The following PTPRM variants were observed in gnomAD, a reference collection of about 807,000 sequenced individuals.
PTPRM encodes the protein protein tyrosine phosphatase receptor type M, also known as receptor-type tyrosine-protein phosphatase mu.
In PTPRM, 47 loss-of-function variants were observed where a neutral mutation model predicts 186.7. The observed-to-expected ratio is 0.25, with a 90% CI of 0.20 to 0.32. The LOEUF (loss-of-function observed/expected upper bound fraction) is 0.32. PTPRM is among the 10% of genes least tolerant of loss of function. The probability of loss-of-function intolerance (pLI) is 1.00; values close to 1 mark genes in which losing one functional copy is unlikely to be tolerated. For synonymous variants in PTPRM, 668 were observed against 674.9 expected (o/e 0.99, Z 0.16); for missense variants, 1,494 against 1,865.0 (o/e 0.80, Z 3.66).
chr18:8,136,707 C>T (rs1405909851), intron 13 of PTPRM, among the ~76,000 whole-genome samples: 1 of 151,960 alleles, frequency 6.6e-6, no homozygotes, highest in Admixed American at 6.6e-5. Flanking sequence ...TTCGCATTCC[C>T]AGGAAGAAAA....
chr18:7,683,325 G>A (rs1336444206), intron 1 of PTPRM, among the ~76,000 whole-genome samples: 5 of 151,780 alleles, frequency 3.3e-5, no homozygotes, highest in African/African-American at 7.3e-5. Flanking sequence ...GTGTGCCACC[G>A]TGCCTGGCTA....
chr18:7,963,639 C>T (rs192683394), intron 7 of PTPRM, among the ~76,000 whole-genome samples: 2 of 152,304 alleles, frequency 1.3e-5, no homozygotes, highest in East Asian at 1.9e-4. Flanking sequence ...AGGGAAAGAG[C>T]TGGAGATTGC....
intron 2 of PTPRM, among the ~76,000 whole-genome samples, chr18:7,842,948 AGAG>A (rs2046424303): frequency 1.5e-5 from 1 of 66,130 alleles, no homozygotes; most frequent in Admixed American, 1.4e-4. Context: ...ATATATATAT[AGAG>A]AGAGAGAGAG....
chr18:7,858,046 T>C (rs1228813704), intron 2 of PTPRM, among the ~76,000 whole-genome samples: 1 of 152,198 alleles, frequency 6.6e-6, no homozygotes, highest in Non-Finnish European at 1.5e-5. Context: ...CCCTAAGTAT[T>C]TCCAGCAATT....
rs1044053074 is a variant in PTPRM at position 7,897,916 on chromosome 18, A to C, written c.469-8589A>C. Among the ~76,000 whole-genome samples the C allele has an allele frequency of 3.9e-5, 6 of 152,234 alleles. No homozygotes were observed. The East Asian group carries it at 1.2e-3, about 29-fold the overall frequency. On this transcript the variant is annotated intron_variant, in intron 3 of 32. Coordinates refer to ENST00000580170, the MANE Select transcript of PTPRM (RefSeq NM_001105244.2). ...AAGTGAGGAAGGTTGTGTTATTGGT[A>C]GGAAAAACAGGTGAAGACATTTAAA...
At chr18:8,260,350 G>A (rs1422233796) in intron 19 of PTPRM, among the ~76,000 whole-genome samples, 1 of 152,012 alleles carries the variant, frequency 6.6e-6, no homozygotes, top group Non-Finnish European at 1.5e-5. Context: ...TTTTTGTAGA[G>A]ACAGAGTCTC....
chr18:8,020,047 G>C (rs978871968), intron 7 of PTPRM, among the ~76,000 whole-genome samples: 10 of 151,998 alleles, frequency 6.6e-5, no homozygotes, highest in African/African-American at 2.4e-4. Context: ...TTGCCAAGGA[G>C]AAGGCTTGAT....
chr18:8,188,400 T>C (rs557862882), intron 14 of PTPRM, among the ~76,000 whole-genome samples: 9 of 152,330 alleles, frequency 5.9e-5, no homozygotes, highest in Admixed American at 5.9e-4. Flanking sequence ...CTGGGAAATA[T>C]GTAAGTGAAT....
intron 14 of PTPRM, among the ~76,000 whole-genome samples, chr18:8,213,095 A>C (rs542793803): frequency 5.9e-5 from 9 of 152,236 alleles, no homozygotes; most frequent in Admixed American, 2.0e-4. Flanking sequence ...GATGCACAGC[A>C]TGATGGGGCA....
intron 1 of PTPRM, among the ~76,000 whole-genome samples, chr18:7,616,059 C>T (rs535791011): frequency 9.9e-5 from 15 of 152,238 alleles, no homozygotes; most frequent in East Asian, 3.9e-4. Flanking sequence ...CCTGCTGTGC[C>T]GCTAGGTTCC....
At chr18:8,184,799 G>A (rs62091285) in intron 14 of PTPRM, among the ~76,000 whole-genome samples, 1 of 152,084 alleles carries the variant, frequency 6.6e-6, no homozygotes, top group African/African-American at 2.4e-5. Flanking sequence ...ATTTTTAAAA[G>A]TTGTCACCTA....
rs530550860 is a variant in PTPRM at position 7,807,365 on chromosome 18, G to A, written c.196+33094G>A. Among the ~76,000 whole-genome samples the A allele has an allele frequency of 5.9e-5, 9 of 152,254 alleles. 1 individual carries two copies. Among genetic ancestry groups the A allele is most frequent in the Admixed American group, 2.6e-4 (4 of 15,296 alleles). On this transcript the variant is annotated intron_variant, in intron 2 of 32. Transcript: ENST00000580170. ...CTTGACTAAAGTTTATTAAAATGCA[G>A]GATATTCAGCTGTTCTTTGACACTT... is the stretch of plus-strand genomic sequence containing the variant.
intron 1 of PTPRM, among the ~76,000 whole-genome samples, chr18:7,708,456 C>A (rs541822808): frequency 2.0e-5 from 3 of 152,288 alleles, no homozygotes; most frequent in Admixed American, 6.5e-5. Flanking sequence ...GCTTTTTATA[C>A]TACTGGCTTG....
chr18:7,898,524 C>G (rs1259476300), intron 3 of PTPRM, among the ~76,000 whole-genome samples: 1 of 152,168 alleles, frequency 6.6e-6, no homozygotes, highest in Non-Finnish European at 1.5e-5. Context: ...TGTCAAACCT[C>G]TCAGAGGCCA....
intron 23 of PTPRM, chr18:8,360,689 G>A (rs1206396223): frequency 2.0e-5 from 3 of 152,202 alleles, no homozygotes; most frequent in Non-Finnish European, 4.4e-5. Flanking sequence ...TGAACAGTGG[G>A]GAACACTGCC....
intron 22 of PTPRM, among the ~76,000 whole-genome samples, chr18:8,322,024 A>G (rs1158802792): frequency 6.6e-6 from 1 of 152,214 alleles, no homozygotes; most frequent in Admixed American, 6.5e-5. Context: ...CAAGAGGCCA[A>G]CAAAATGGGC....
chr18:7,783,236 T>G (rs2042939698), intron 2 of PTPRM, among the ~76,000 whole-genome samples: 1 of 152,136 alleles, frequency 6.6e-6, no homozygotes, highest in Non-Finnish European at 1.5e-5. Context: ...TATGCTACCT[T>G]TCCTGAAAAT....
chr18:8,118,811 A>AAAAAAATAT (rs372020679), intron 13 of PTPRM, among the ~76,000 whole-genome samples: 9 of 128,394 alleles, frequency 7.0e-5, no homozygotes, highest in African/African-American at 2.6e-4. Context: ...AAAAAAAAAA[A>AAAAAAATAT]ATATATATAT....
intron 7 of PTPRM, among the ~76,000 whole-genome samples, chr18:7,974,285 T>G (rs1261136869): frequency 6.6e-6 from 1 of 152,150 alleles, no homozygotes; most frequent in Non-Finnish European, 1.5e-5. Context: ...GAGGATACAG[T>G]TAGTAGGCAA....
Sources: gnomAD v4.1 joint callset for allele counts (sites outside exome capture counted in the v4.1 genomes callset) on GRCh38, gnomAD v4.1.1 for gene constraint, MANE v1.5 for transcripts, NCBI Gene and HGNC (gene_info 2026-07-23, HGNC 2026-07-21) for gene names.